The following NXPH1 variants were observed in gnomAD, a reference collection of about 807,000 sequenced individuals.
NXPH1 encodes the protein neurexophilin 1, also known as neurexophilin-1.
NXPH1 carries 5 observed loss-of-function variants against 23.7 expected under a neutral mutation model. That is an observed-to-expected ratio of 0.21 (90% CI 0.11 to 0.44). NXPH1 has a LOEUF of 0.44. NXPH1 is among the 20% of genes least tolerant of loss of function. The probability of loss-of-function intolerance (pLI) is 0.99; values close to 1 mark genes in which losing one functional copy is unlikely to be tolerated. For missense variants in NXPH1, 324 were observed against 321.6 expected (o/e 1.01, Z -0.06); for synonymous variants, 144 against 122.2 (o/e 1.18, Z -1.18).
At chr7:8,720,940 T>A (rs1779960390) in intron 2 of NXPH1, among the ~76,000 whole-genome samples, 1 of 152,046 alleles carries the variant, frequency 6.6e-6, no homozygotes, top group African/African-American at 2.4e-5. Context: ...GAACCAGAAA[T>A]AGAAGGGAAA....
intron 2 of NXPH1, among the ~76,000 whole-genome samples, chr7:8,615,621 A>G (rs1049478515): frequency 6.6e-6 from 1 of 151,960 alleles, no homozygotes; most frequent in Non-Finnish European, 1.5e-5. Flanking sequence ...TTATGTCAAT[A>G]TTTTCCTGCC....
intron 2 of NXPH1, among the ~76,000 whole-genome samples, chr7:8,542,940 G>C (rs1818142858): frequency 1.3e-5 from 2 of 151,554 alleles, no homozygotes; most frequent in Admixed American, 1.3e-4. Flanking sequence ...AAGGTATAAT[G>C]CATAGCGTAA....
At chr7:8,668,686 G>A (rs942643407) in intron 2 of NXPH1, among the ~76,000 whole-genome samples, 2 of 152,180 alleles carry the variant, frequency 1.3e-5, no homozygotes, top group African/African-American at 4.8e-5. Flanking sequence ...CATGGGCCTA[G>A]GACCTGGGTC....
At chr7:8,704,516 G>A (rs1779673627) in intron 2 of NXPH1, among the ~76,000 whole-genome samples, 1 of 152,102 alleles carries the variant, frequency 6.6e-6, no homozygotes, top group Admixed American at 6.6e-5. Flanking sequence ...GGGAGATGCT[G>A]CCAATGAGAT....
chr7:8,745,509 T>G (rs1780452403), intron 2 of NXPH1, among the ~76,000 whole-genome samples: 2 of 152,000 alleles, frequency 1.3e-5, no homozygotes, highest in Non-Finnish European at 2.9e-5. Context: ...ATAATAAGTT[T>G]TTTTTTCATT....
intron 2 of NXPH1, among the ~76,000 whole-genome samples, chr7:8,616,573 T>C (rs1008672821): frequency 6.6e-6 from 1 of 152,008 alleles, no homozygotes; most frequent in Non-Finnish European, 1.5e-5. Flanking sequence ...AGGAATGAAT[T>C]AAGGAAGAAG....
At chr7:8,735,121 A>G (rs953115204) in intron 2 of NXPH1, among the ~76,000 whole-genome samples, 2 of 152,062 alleles carry the variant, frequency 1.3e-5, no homozygotes, top group African/African-American at 2.4e-5. Context: ...TTCCTATTTG[A>G]ATTTCCTTTC....
intron 2 of NXPH1, among the ~76,000 whole-genome samples, chr7:8,529,198 GT>G (rs1817912294): frequency 6.6e-6 from 1 of 152,198 alleles, no homozygotes; most frequent in Non-Finnish European, 1.5e-5. Flanking sequence ...AAAGACTCAC[GT>G]GATCACATTG....
At chr7:8,565,073 A>T (rs1486546990) in intron 2 of NXPH1, among the ~76,000 whole-genome samples, 1 of 151,642 alleles carries the variant, frequency 6.6e-6, no homozygotes, top group East Asian at 2.0e-4. Flanking sequence ...CTGCCCAATC[A>T]CCTGTGGCAT....
chr7:8,663,269 T>A (rs1400769533), intron 2 of NXPH1, among the ~76,000 whole-genome samples: 1 of 152,072 alleles, frequency 6.6e-6, no homozygotes, highest in East Asian at 1.9e-4. Flanking sequence ...TGCCTTATCA[T>A]CCCTTTCGCA....
chr7:8,472,752 G>T lies in NXPH1; in HGVS notation c.54+36985G>T, dbSNP rs183586791. ...GTCTTATAAAGAGTTAAACTAGGCT[G>T]CTGAAGGAATTGACTCATTAGCTGC... On this transcript the variant is annotated intron_variant, in intron 2 of 2. Transcript: ENST00000405863. 1.5e-3 allele frequency among the ~76,000 whole-genome samples: 225 copies of T among 152,284 alleles called. 1 individual carries two copies. Among genetic ancestry groups the T allele is most frequent in the African/African-American group, 5.1e-3 (211 of 41,560 alleles).
chr7:8,563,705 C>T (rs1438856628), intron 2 of NXPH1, among the ~76,000 whole-genome samples: 1 of 151,702 alleles, frequency 6.6e-6, no homozygotes, highest in Non-Finnish European at 1.5e-5. Context: ...TCCTCCTTCT[C>T]TATAGATTGA....
chr7:8,548,027 A>G (rs1189462086), intron 2 of NXPH1, among the ~76,000 whole-genome samples: 1 of 151,428 alleles, frequency 6.6e-6, no homozygotes, highest in Non-Finnish European at 1.5e-5. Flanking sequence ...GGGTCAAATA[A>G]TAGTTCTATT....
At chr7:8,619,812 T>C (rs747552670) in intron 2 of NXPH1, among the ~76,000 whole-genome samples, 3 of 152,190 alleles carry the variant, frequency 2.0e-5, no homozygotes, top group Non-Finnish European at 4.4e-5. Flanking sequence ...TTTTCAGTAA[T>C]TCTGTGAGGT....
At chr7:8,524,299 A>G (rs1332394164) in intron 2 of NXPH1, among the ~76,000 whole-genome samples, 6 of 151,698 alleles carry the variant, frequency 4.0e-5, no homozygotes, top group African/African-American at 1.2e-4. Context: ...ATCCTTATAG[A>G]ATGAATGTAG....
intron 2 of NXPH1, among the ~76,000 whole-genome samples, chr7:8,478,208 T>C (rs1036686913): frequency 6.6e-6 from 1 of 152,112 alleles, no homozygotes; most frequent in Non-Finnish European, 1.5e-5. Flanking sequence ...TGGTGTAGGT[T>C]TCTTAACATT....
At chr7:8,606,946 T>C (rs1296812720) in intron 2 of NXPH1, among the ~76,000 whole-genome samples, 2 of 152,182 alleles carry the variant, frequency 1.3e-5, no homozygotes, top group Non-Finnish European at 2.9e-5. Flanking sequence ...CCACTAATTT[T>C]ATTGATTGCT....
chr7:8,540,964 T>G lies in NXPH1; in HGVS notation c.54+105197T>G, dbSNP rs536169775. ...AGTAACAACTCTTCCAGAACAAAGC[T>G]TAAGTATATTTATTGAAATCCAAAA... On this transcript the variant is annotated intron_variant, in intron 2 of 2. Transcript: ENST00000405863. Among the ~76,000 whole-genome samples the G allele has an allele frequency of 2.0e-5, 3 of 151,808 alleles. No individual in the cohort carries two copies. The South Asian group carries it at 6.2e-4, about 32-fold the overall frequency.
intron 2 of NXPH1, among the ~76,000 whole-genome samples, chr7:8,619,016 GT>G (rs1182776171): frequency 1.3e-5 from 2 of 152,184 alleles, no homozygotes; most frequent in African/African-American, 4.8e-5. Flanking sequence ...AGCAGGAAAA[GT>G]TTAGTATGTA....
Sources: gnomAD v4.1 joint callset for allele counts (sites outside exome capture counted in the v4.1 genomes callset) on GRCh38, gnomAD v4.1.1 for gene constraint, MANE v1.5 for transcripts, NCBI Gene and HGNC (gene_info 2026-07-23, HGNC 2026-07-21) for gene names.